Variants in SIPA1L2 observed in about 807,000 individuals in gnomAD.
The protein encoded by SIPA1L2 is signal induced proliferation associated 1 like 2, also known as signal-induced proliferation-associated 1-like protein 2.
In SIPA1L2, 56 loss-of-function variants were observed where a neutral mutation model predicts 163.9. The observed-to-expected ratio is 0.34, with a 90% CI of 0.28 to 0.43. SIPA1L2 has a LOEUF of 0.43. SIPA1L2 is among the 20% of genes least tolerant of loss of function. The probability of loss-of-function intolerance (pLI) is 1.00; values close to 1 mark genes in which losing one functional copy is unlikely to be tolerated. For synonymous variants in SIPA1L2, 877 were observed against 865.7 expected (o/e 1.01, Z -0.23); for missense variants, 1,974 against 2,193.5 (o/e 0.90, Z 2.00).
At chr1:232,445,394 C>A in intron 11 of SIPA1L2, 135 bp downstream of exon 11, 2 of 1,305,802 alleles carry the variant, frequency 1.5e-6, no homozygotes, top group Non-Finnish European at 2.1e-6. Context: ...CTGGGGCCTG[C>A]CTTGCTACCC....
chr1:232,595,237 T>C (rs1353654422), intron 1 of SIPA1L2, among the ~76,000 whole-genome samples: 1 of 152,236 alleles, frequency 6.6e-6, no homozygotes, highest in East Asian at 1.9e-4. Flanking sequence ...CTCTCATGCA[T>C]ACAAAGAATA....
At chr1:232,610,233 G>A (rs61823265) in intron 1 of SIPA1L2, among the ~76,000 whole-genome samples, 24,148 of 152,078 alleles carry the variant, frequency 0.16, 2,411 homozygotes, top group Middle Eastern at 0.3. Flanking sequence ...ATTCTCAGAA[G>A]TACCAATCTG....
At chr1:232,402,708 A>C (rs1660418923) in intron 21 of SIPA1L2, 1 of 328,224 alleles carries the variant, frequency 3.0e-6, no homozygotes, top group Admixed American at 4.6e-5. Context: ...GTTGGTAGGA[A>C]AACAAAAGAT....
At chr1:232,562,369 C>T (rs1659089735) in intron 2 of SIPA1L2, among the ~76,000 whole-genome samples, 1 of 152,172 alleles carries the variant, frequency 6.6e-6, no homozygotes, top group South Asian at 2.1e-4. Flanking sequence ...GGCTAATTGC[C>T]TGGATGAAAA....
chr1:232,525,108 A>T (rs1208282733), intron 2 of SIPA1L2, among the ~76,000 whole-genome samples: 1 of 152,004 alleles, frequency 6.6e-6, no homozygotes, highest in African/African-American at 2.4e-5. Context: ...AAGAAAATGG[A>T]TATTAACATT....
At chr1:232,417,009 C>T (rs1661303057) in intron 18 of SIPA1L2, among the ~76,000 whole-genome samples, 1 of 152,194 alleles carries the variant, frequency 6.6e-6, no homozygotes, top group Admixed American at 6.5e-5. Context: ...GCCCAGAACA[C>T]TGCATGCAGC....
At position 232,429,062 on chromosome 1, in the gene SIPA1L2, T is replaced by G. The variant is rs1382614359; in HGVS notation, c.4257-498A>C. 2.0e-5 allele frequency among the ~76,000 whole-genome samples: 3 copies of G among 152,164 alleles called. No homozygotes were observed. The East Asian group carries it at 5.8e-4, about 29-fold the overall frequency. The stretch of plus-strand genomic sequence containing the variant: ...GCTAAGCATGTTTTATTATCAGCAA[T>G]TTCACAAAGCTGTTTGGATAAAGCA... On this transcript the variant is annotated intron_variant, in intron 16 of 22. Transcript: ENST00000674635.
At chr1:232,403,594 C>G (rs764161746) in intron 20 of SIPA1L2, 23 bp from the exon 21 acceptor site, 1 of 1,602,344 alleles carries the variant, frequency 6.2e-7, no homozygotes, top group Admixed American at 1.7e-5. Flanking sequence ...GAAACACACA[C>G]AGAAAGAAGG....
chr1:232,441,842 T>C lies in SIPA1L2; in HGVS notation c.3464A>G (p.His1155Arg). Residue 1155 changes from histidine to arginine, a missense_variant, in exon 13 of 23, where the codon CAC becomes CGC. His to Arg is a conservative substitution (Grantham distance 29). This residue lies in a region of SIPA1L2 where 1,079 missense variants were observed against 1,150.7 expected (regional missense o/e 0.94). Transcript: ENST00000674635. ...DGCQSPLLLE[H>R]QGSGPLECDG... ...ACATTCCAAAGGGCCTGAGCCCTGG[T>C]GTTCGAGCAGTAGAGGGGACTGGCA... 1 of 1,613,304 alleles carries C rather than the reference T, an allele frequency of 6.2e-7. No individual in the cohort carries two copies. Among genetic ancestry groups the C allele is most frequent in the Non-Finnish European group, 8.5e-7 (1 of 1,179,710 alleles).
chr1:232,588,438 A>G (rs140111371), intron 1 of SIPA1L2, among the ~76,000 whole-genome samples: 1 of 151,892 alleles, frequency 6.6e-6, no homozygotes, highest in Non-Finnish European at 1.5e-5. Flanking sequence ...TTTCTGATTC[A>G]TGACAAGAAT....
intron 5 of SIPA1L2, among the ~76,000 whole-genome samples, chr1:232,487,956 G>GCA (rs964250714): frequency 1.6e-5 from 2 of 126,128 alleles, no homozygotes; most frequent in African/African-American, 6.7e-5. Flanking sequence ...ACACACACAC[G>GCA]CACACATATT....
intron 3 of SIPA1L2, among the ~76,000 whole-genome samples, chr1:232,499,185 A>T (rs1666345178): frequency 6.6e-6 from 1 of 152,308 alleles, no homozygotes; most frequent in Non-Finnish European, 1.5e-5. Context: ...ATGAAAGAAG[A>T]GTCACACCTG....
intron 19 of SIPA1L2, among the ~76,000 whole-genome samples, chr1:232,410,238 G>A (rs189857408): frequency 1.0e-3 from 157 of 152,040 alleles, no homozygotes; most frequent in African/African-American, 3.6e-3. Flanking sequence ...TAGTCTTTGG[G>A]GGTATCTCTC....
At chr1:232,551,507 T>A (rs997318126) in intron 2 of SIPA1L2, among the ~76,000 whole-genome samples, 4 of 152,116 alleles carry the variant, frequency 2.6e-5, no homozygotes, top group Non-Finnish European at 5.9e-5. Context: ...TTTTAAAAAA[T>A]GAAGGACAAT....
intron 21 of SIPA1L2, among the ~76,000 whole-genome samples, chr1:232,402,946 G>A (rs1359325880): frequency 6.6e-6 from 1 of 152,216 alleles, no homozygotes; most frequent in African/African-American, 2.4e-5. Context: ...ATTTCACGGG[G>A]AATGAACATG....
chr1:232,578,606 G>C lies in SIPA1L2; in HGVS notation c.-318-4384C>G, dbSNP rs535415550. 3.9e-5 allele frequency among the ~76,000 whole-genome samples: 6 copies of C among 152,276 alleles called. No homozygotes were observed. In the South Asian group the frequency reaches 1.2e-3, roughly 32 times the overall value. On this transcript the variant is annotated intron_variant, in intron 1 of 22. Coordinates refer to ENST00000674635, the MANE Select transcript of SIPA1L2 (RefSeq NM_020808.5). Reference sequence around the variant, plus strand: ...TACAAAATAAGTCTTTTAAAGTCCTGTTAATGAAACAGTCTGTGTTTTGTG... The same window carrying C: ...TACAAAATAAGTCTTTTAAAGTCCTCTTAATGAAACAGTCTGTGTTTTGTG...
At chr1:232,600,436 A>G (rs934420700) in intron 1 of SIPA1L2, among the ~76,000 whole-genome samples, 3 of 152,192 alleles carry the variant, frequency 2.0e-5, no homozygotes, top group African/African-American at 7.2e-5. Flanking sequence ...CAACAGCTAG[A>G]GTACCTCATG....
intron 10 of SIPA1L2, among the ~76,000 whole-genome samples, chr1:232,460,285 G>A (rs1055590654): frequency 5.3e-5 from 8 of 151,846 alleles, no homozygotes; most frequent in Non-Finnish European, 7.4e-5. Context: ...CCACCTATCC[G>A]CCTCTGAACC....
chr1:232,514,533 C>A lies in SIPA1L2; in HGVS notation c.807G>T (p.Leu269=). The A allele has an allele frequency of 1.2e-6, 2 of 1,614,160 alleles. No individual in the cohort carries two copies. The highest frequency in any genetic ancestry group is 1.7e-6 in the Non-Finnish European group (2 of 1,180,024). ...AAGGCTTGTCCCTGTCTCTCCCCAT[C>A]AGGAGGGCACTGTCCACATAATCTA... ...SGLDYVDSAL[L]MGRDRDKPFK... Residue 269 remains leucine (L), a synonymous_variant, in exon 3 of 23, where the codon CTG becomes CTT. Coordinates refer to ENST00000674635, the MANE Select transcript of SIPA1L2 (RefSeq NM_020808.5).
Sources: gnomAD v4.1 joint callset for allele counts (sites outside exome capture counted in the v4.1 genomes callset) on GRCh38, gnomAD v4.1.1 for gene constraint, gnomAD v4.1.1 regional missense constraint, MANE v1.5 for transcripts, NCBI Gene and HGNC (gene_info 2026-07-23, HGNC 2026-07-21) for gene names.